ARHGAP35: variants seen among roughly 807,000 people sequenced by gnomAD.
The protein encoded by ARHGAP35 is rho GTPase-activating protein 35.
A neutral mutation model predicts 111.1 loss-of-function variants in ARHGAP35; 15 were observed. That is an observed-to-expected ratio of 0.13 (90% CI 0.09 to 0.21). The LOEUF (loss-of-function observed/expected upper bound fraction) is 0.21. ARHGAP35 is among the 10% of genes least tolerant of loss of function. ARHGAP35 has a pLI of 1.00. For missense variants in ARHGAP35, 1,262 were observed against 1,873.0 expected, an observed-to-expected ratio of 0.67 and a Z score of 6.02; for synonymous variants, 643 against 710.3, an observed-to-expected ratio of 0.91 and a Z score of 1.51.
intron 1 of ARHGAP35, among the ~76,000 whole-genome samples, chr19:46,917,384 G>A (rs2056170134): frequency 6.6e-6 from 1 of 152,194 alleles, no homozygotes; most frequent in Non-Finnish European, 1.5e-5. Flanking sequence ...AAGGCAGGCA[G>A]ATCGCCTGAG....
In ARHGAP35 at chr19:46,873,844, G is replaced by A. The variant is rs1568458121; in HGVS notation, c.-189+12635G>A. On this transcript the variant is annotated intron_variant, in intron 1 of 6. Transcript: ENST00000672722. Reference sequence around the variant, plus strand: ...GCTCACTGCAACTTCCGCCTCCGGGGTACACGCCATTCTCTGGCCTCAGCC... The same window carrying A: ...GCTCACTGCAACTTCCGCCTCCGGGATACACGCCATTCTCTGGCCTCAGCC... 2.0e-5 allele frequency among the ~76,000 whole-genome samples: 3 copies of A among 152,128 alleles called. No individual in the cohort carries two copies. In the East Asian group the frequency reaches 5.9e-4, roughly 30 times the overall value.
At chr19:46,878,653 TTG>T (rs1273007479) in intron 1 of ARHGAP35, among the ~76,000 whole-genome samples, 38 of 152,260 alleles carry the variant, frequency 2.5e-4, no homozygotes, top group African/African-American at 9.1e-4. Context: ...GTTGTTGTTG[TTG>T]TTTTTTGAGA....
chr19:46,997,187 G>C (rs910206762), intron 5 of ARHGAP35, among the ~76,000 whole-genome samples: 1 of 152,126 alleles, frequency 6.6e-6, no homozygotes, highest in Non-Finnish European at 1.5e-5. Context: ...TGCCCTTGAG[G>C]TGGAACCCTT....
At chr19:46,889,770 AAGAGT>A (rs2056015221) in intron 1 of ARHGAP35, among the ~76,000 whole-genome samples, 1 of 151,644 alleles carries the variant, frequency 6.6e-6, no homozygotes, top group Non-Finnish European at 1.5e-5. Flanking sequence ...AAAAAAAAAA[AAGAGT>A]AGAGGCCATT....
chr19:46,862,780 G>A (rs2055835777), intron 1 of ARHGAP35, among the ~76,000 whole-genome samples: 3 of 151,954 alleles, frequency 2.0e-5, no homozygotes, highest in African/African-American at 7.3e-5. Flanking sequence ...AGTCTTTTAA[G>A]TTTTCCACAT....
intron 3 of ARHGAP35, among the ~76,000 whole-genome samples, chr19:46,943,018 CTG>C (rs780400843): frequency 1.3e-5 from 2 of 151,482 alleles, no homozygotes; most frequent in Admixed American, 6.6e-5. Context: ...ACAGTCCTCT[CTG>C]GCTTGTTTTA....
chr19:46,865,648 G>A (rs1433058140), intron 1 of ARHGAP35, among the ~76,000 whole-genome samples: 7 of 152,280 alleles, frequency 4.6e-5, no homozygotes, highest in African/African-American at 1.2e-4. Context: ...GAGGTGAGGC[G>A]TCAGGTCAAT....
rs958397653 is a variant in ARHGAP35 at position 47,004,668 on chromosome 19, C to T, written c.*3980C>T. 3.3e-5 allele frequency: 5 copies of T among 152,706 alleles called. No homozygotes were observed. The highest frequency in any genetic ancestry group is 2.6e-4 in the Admixed American group (4 of 15,298). 9.5% of individuals were successfully genotyped at this position (152,706 alleles called of 1,614,324 possible). A position where few individuals can be genotyped will look rare whatever the true frequency, so the allele number is the denominator to read the frequency against. On this transcript the variant is annotated 3_prime_UTR_variant, in exon 7 of 7. Coordinates refer to ENST00000672722, the MANE Select transcript of ARHGAP35 (RefSeq NM_004491.5). ...TTTGAGTTTCTGAGAAAAAACAAAA[C>T]ATATTAATGGTATTGAAATGTGTTA...
Position 46,878,313 on chromosome 19 carries a change from G to A in ARHGAP35, c.-189+17104G>A, listed in dbSNP as rs117673415. ...GCTGGGATTACAGGTATGAGCCATC[G>A]CGCTTGGCCTAATTTTTATTTTTTT... On this transcript the variant is annotated intron_variant, in intron 1 of 6. Transcript: ENST00000672722. 6.0e-3 allele frequency among the ~76,000 whole-genome samples: 918 copies of A among 151,946 alleles called. 4 individuals are homozygous for A. Among genetic ancestry groups the A allele is most frequent in the Middle Eastern group, 0.02 (6 of 294 alleles).
chr19:46,906,868 C>T (rs1419164638), intron 1 of ARHGAP35, among the ~76,000 whole-genome samples: 1 of 152,130 alleles, frequency 6.6e-6, no homozygotes, highest in Non-Finnish European at 1.5e-5. Context: ...GTAGGCGGAT[C>T]ACATGAGCCC....
chr19:46,882,101 G>A (rs1253880035), intron 1 of ARHGAP35, among the ~76,000 whole-genome samples: 1 of 151,584 alleles, frequency 6.6e-6, no homozygotes. Context: ...TGGCTGGTTT[G>A]ATCTTCTGTC....
At chr19:46,980,317 G>A (rs905894530) in intron 3 of ARHGAP35, among the ~76,000 whole-genome samples, 26 of 152,134 alleles carry the variant, frequency 1.7e-4, no homozygotes, top group Non-Finnish European at 3.2e-4. Flanking sequence ...CCCGGGAAGC[G>A]GAGGTTGCAG....
chr19:46,934,663 G>A (rs1031844401), intron 2 of ARHGAP35, among the ~76,000 whole-genome samples: 4 of 148,046 alleles, frequency 2.7e-5, no homozygotes, highest in East Asian at 2.0e-4. Flanking sequence ...CACCATACCC[G>A]GCCAGCCCTC....
At chr19:46,876,076 C>A (rs376747672) in intron 1 of ARHGAP35, among the ~76,000 whole-genome samples, 10 of 152,138 alleles carry the variant, frequency 6.6e-5, no homozygotes, top group African/African-American at 9.7e-5. Context: ...CTCTTGGTGC[C>A]TTAGGCACGT....
chr19:46,889,750 C>CA (rs5828291), intron 1 of ARHGAP35, among the ~76,000 whole-genome samples: 53,971 of 85,066 alleles, frequency 0.63, 16,423 homozygotes, highest in Middle Eastern at 0.74. Flanking sequence ...GACTCCGTCT[C>CA]AAAAAAAAAA....
At chr19:46,935,164 C>T (rs1232163904) in intron 2 of ARHGAP35, among the ~76,000 whole-genome samples, 2 of 152,196 alleles carry the variant, frequency 1.3e-5, no homozygotes, top group African/African-American at 2.4e-5. Context: ...GCCATTCCCC[C>T]GAACCTAGGA....
intron 1 of ARHGAP35, among the ~76,000 whole-genome samples, chr19:46,891,018 C>G (rs887004671): frequency 6.6e-6 from 1 of 152,096 alleles, no homozygotes; most frequent in African/African-American, 2.4e-5. Context: ...AATAAGCTTC[C>G]CTCTGGTGGG....
chr19:46,977,180 A>G (rs953333145), intron 3 of ARHGAP35, among the ~76,000 whole-genome samples: 34 of 152,252 alleles, frequency 2.2e-4, no homozygotes, highest in African/African-American at 7.5e-4. Flanking sequence ...TCCCAGCCAC[A>G]GCCAAACCAT....
At chr19:46,961,232 A>G (rs1487475269) in intron 3 of ARHGAP35, among the ~76,000 whole-genome samples, 2 of 152,174 alleles carry the variant, frequency 1.3e-5, no homozygotes, top group Non-Finnish European at 2.9e-5. Flanking sequence ...CTCCTGTTAA[A>G]AGACATCATC....
Sources: allele counts gnomAD v4.1 joint callset (sites outside exome capture counted in the v4.1 genomes callset), GRCh38; gene constraint gnomAD v4.1.1; transcripts MANE v1.5; gene names NCBI Gene and HGNC (gene_info 2026-07-23, HGNC 2026-07-21).